CDIN1: variants seen among roughly 807,000 people sequenced by gnomAD.
CDIN1 encodes the protein CDAN1-interacting nuclease 1.
Under a neutral mutation model 45.3 loss-of-function variants are expected in CDIN1, and 33 were observed. The observed-to-expected ratio is 0.73, with a 90% CI of 0.55 to 0.97. CDIN1 has a LOEUF of 0.97. CDIN1 is among the 50% of genes least tolerant of loss of function. The pLI is 0.00. For synonymous variants in CDIN1, 118 were observed against 124.4 expected, an observed-to-expected ratio of 0.95 and a Z score of 0.34; for missense variants, 303 against 339.4, an observed-to-expected ratio of 0.89 and a Z score of 0.84.
At chr15:36,703,230 A>ATATATATATATATATATATATC (rs1329115714) in intron 8 of CDIN1, among the ~76,000 whole-genome samples, 4 of 127,424 alleles carry the variant, frequency 3.1e-5, no homozygotes, top group African/African-American at 1.2e-4. Context: ...ATATATATAT[A>ATATATATATATATATATATATC]TATCAGATAT....
At chr15:36,803,673 A>G (rs1038341595) in intron 10 of CDIN1, among the ~76,000 whole-genome samples, 10 of 152,216 alleles carry the variant, frequency 6.6e-5, no homozygotes, top group African/African-American at 2.4e-4. Flanking sequence ...GCATTGTCCT[A>G]AGTCTGCACT....
At chr15:36,702,533 T>G (rs2042682536) in intron 8 of CDIN1, among the ~76,000 whole-genome samples, 1 of 152,158 alleles carries the variant, frequency 6.6e-6, no homozygotes, top group South Asian at 2.1e-4. Context: ...ACCACTGCTC[T>G]TGGTAGTTAG....
intron 3 of CDIN1, among the ~76,000 whole-genome samples, chr15:36,649,674 A>G (rs1347685261): frequency 2.0e-5 from 3 of 152,278 alleles, no homozygotes; most frequent in South Asian, 2.1e-4. Context: ...TCAGCTTGGA[A>G]CACCTTCTGC....
intron 10 of CDIN1, among the ~76,000 whole-genome samples, chr15:36,749,008 G>A (rs74008764): frequency 0.02 from 3,064 of 152,222 alleles, 85 homozygotes; most frequent in African/African-American, 0.068. Context: ...AGACGGCCAC[G>A]TGATTTTCTT....
intron 5 of CDIN1, among the ~76,000 whole-genome samples, chr15:36,676,968 A>G (rs2041670941): frequency 6.6e-6 from 1 of 152,200 alleles, no homozygotes; most frequent in African/African-American, 2.4e-5. Flanking sequence ...GTCACTTCAC[A>G]TACCTATACC....
chr15:36,788,104 ATATTTTTTTTTTT>A (rs1341974010), intron 10 of CDIN1, among the ~76,000 whole-genome samples: 1 of 34,470 alleles, frequency 2.9e-5, no homozygotes, highest in African/African-American at 1.1e-4. Context: ...ATATATATAT[ATATTTTTTTTTTT>A]TTTTTTTTTT....
intron 1 of CDIN1, among the ~76,000 whole-genome samples, chr15:36,636,112 G>A (rs575046581): frequency 6.6e-6 from 1 of 151,990 alleles, no homozygotes; most frequent in South Asian, 2.1e-4. Context: ...ATTCTAGGCA[G>A]GATTTTATAG....
At chr15:36,659,240 T>G (rs2040896847) in intron 5 of CDIN1, among the ~76,000 whole-genome samples, 1 of 152,204 alleles carries the variant, frequency 6.6e-6, no homozygotes, top group African/African-American at 2.4e-5. Flanking sequence ...GATCATAAAT[T>G]TTGTAGCCAT....
chr15:36,763,249 A>T (rs1237731783), intron 10 of CDIN1, among the ~76,000 whole-genome samples: 1 of 152,128 alleles, frequency 6.6e-6, no homozygotes, highest in Non-Finnish European at 1.5e-5. Context: ...GCCAGGGATG[A>T]TGAGCATTTT....
At chr15:36,797,072 G>A (rs2054824509) in intron 10 of CDIN1, among the ~76,000 whole-genome samples, 1 of 152,210 alleles carries the variant, frequency 6.6e-6, no homozygotes, top group Non-Finnish European at 1.5e-5. Context: ...GAGTTTGTAT[G>A]TTATGGAAAA....
chr15:36,676,509 A>G (rs2041655197), intron 5 of CDIN1, among the ~76,000 whole-genome samples: 1 of 152,198 alleles, frequency 6.6e-6, no homozygotes, highest in Non-Finnish European at 1.5e-5. Context: ...TGCAAAGCAG[A>G]GACTTGCCCT....
At chr15:36,647,363 G>A (rs1422451092) in intron 3 of CDIN1, among the ~76,000 whole-genome samples, 2 of 152,130 alleles carry the variant, frequency 1.3e-5, no homozygotes, top group African/African-American at 4.8e-5. Flanking sequence ...ATGATGAACA[G>A]TTGAGTGGGT....
intron 5 of CDIN1, among the ~76,000 whole-genome samples, chr15:36,673,284 A>C (rs1650030188): frequency 6.6e-6 from 1 of 152,084 alleles, no homozygotes; most frequent in Non-Finnish European, 1.5e-5. Flanking sequence ...AAATGTTTTC[A>C]GATATTAGCC....
At chr15:36,770,441 GATTATT>G (rs60700107) in intron 10 of CDIN1, among the ~76,000 whole-genome samples, 362 of 151,152 alleles carry the variant, frequency 2.4e-3, no homozygotes, top group African/African-American at 8.0e-3. Context: ...TGATGATGAT[GATTATT>G]ATTATTATTA....
chr15:36,769,079 G>T (rs1237839290), intron 10 of CDIN1, among the ~76,000 whole-genome samples: 1 of 152,186 alleles, frequency 6.6e-6, no homozygotes, highest in Non-Finnish European at 1.5e-5. Context: ...GATAAAGGCA[G>T]ATTAATATTA....
chr15:36,697,789 GTACTTT>G (rs1433369188), intron 8 of CDIN1, among the ~76,000 whole-genome samples: 1 of 152,142 alleles, frequency 6.6e-6, no homozygotes, highest in Non-Finnish European at 1.5e-5. Flanking sequence ...GAACTGGGTA[GTACTTT>G]TACTTGAAAG....
chr15:36,761,660 A>G (rs1257929457), intron 10 of CDIN1, among the ~76,000 whole-genome samples: 2 of 152,198 alleles, frequency 1.3e-5, no homozygotes, highest in African/African-American at 4.8e-5. Context: ...TGACACCGCA[A>G]CGAAAGCACT....
chr15:36,732,072 C>CCCT (rs1838637525), intron 10 of CDIN1, among the ~76,000 whole-genome samples: 1 of 152,120 alleles, frequency 6.6e-6, no homozygotes, highest in Non-Finnish European at 1.5e-5. Flanking sequence ...GGTAGACTTG[C>CCCT]TGAAGGGCTT....
At chr15:36,589,305 T>C (rs1301822651) in intron 1 of CDIN1, among the ~76,000 whole-genome samples, 2 of 152,196 alleles carry the variant, frequency 1.3e-5, no homozygotes, top group African/African-American at 2.4e-5. Context: ...AAAGATCATA[T>C]AGAAGATAGG....
Sources: allele counts gnomAD v4.1 joint callset (sites outside exome capture counted in the v4.1 genomes callset), GRCh38; gene constraint gnomAD v4.1.1; transcripts MANE v1.5; gene names NCBI Gene and HGNC (gene_info 2026-07-23, HGNC 2026-07-21).